NR6A1: variants seen among roughly 807,000 people sequenced by gnomAD.
The protein encoded by NR6A1 is nuclear receptor subfamily 6 group A member 1, also known as retinoic acid receptor-related testis-associated receptor.
Under a neutral mutation model 59.1 loss-of-function variants are expected in NR6A1, and 7 were observed. The observed-to-expected ratio is 0.12, with a 90% confidence interval of 0.07 to 0.22. The LOEUF is 0.22. Among genes scored for constraint, NR6A1 ranks in the 10% least tolerant of loss-of-function variants. The pLI, the probability that NR6A1 is intolerant of heterozygous loss-of-function variation, is 1.00. For missense variants in NR6A1, 468 were observed against 611.6 expected (o/e 0.77, Z 2.48); for synonymous variants, 243 against 236.1 (o/e 1.03, Z -0.27).
intron 2 of NR6A1, among the ~76,000 whole-genome samples, chr9:124,610,003 T>G (rs1835693286): frequency 6.6e-6 from 1 of 152,188 alleles, no homozygotes; most frequent in Non-Finnish European, 1.5e-5. Flanking sequence ...TAAGAAGCTT[T>G]TGGGCAGAAA....
intron 2 of NR6A1, among the ~76,000 whole-genome samples, chr9:124,608,614 G>T (rs1835643342): frequency 6.6e-6 from 1 of 152,170 alleles, no homozygotes; most frequent in South Asian, 2.1e-4. Context: ...ATGTGTGCAT[G>T]TAACTTTATA....
chr9:124,739,749 T>C (rs141440117), intron 1 of NR6A1, among the ~76,000 whole-genome samples: 1 of 152,236 alleles, frequency 6.6e-6, no homozygotes, highest in Admixed American at 6.5e-5. Flanking sequence ...AAATTTACCA[T>C]GACAGAAACT....
At chr9:124,706,423 A>C (rs1839134267) in intron 2 of NR6A1, among the ~76,000 whole-genome samples, 1 of 152,198 alleles carries the variant, frequency 6.6e-6, no homozygotes, top group Non-Finnish European at 1.5e-5. Flanking sequence ...TAGTATTTTA[A>C]AGCAGGTCCA....
At chr9:124,700,548 G>A (rs1838909585) in intron 2 of NR6A1, among the ~76,000 whole-genome samples, 1 of 151,652 alleles carries the variant, frequency 6.6e-6, no homozygotes, top group African/African-American at 2.4e-5. Flanking sequence ...TTTATTATGA[G>A]TTTTAGGTTT....
rs570402152 is a variant in NR6A1 at position 124,728,495 on chromosome 9, C to T, written c.142+4813G>A. Among the ~76,000 whole-genome samples, 476 of 151,936 alleles carry T rather than the reference C, an allele frequency of 3.1e-3. 3 individuals carry two copies. The highest frequency in any genetic ancestry group is 0.02 in the Admixed American group (300 of 15,262). ...CTAAAAAACAGAAAAATTAGCTGGG[C>T]GCAGTGGCAGGCGCCTGTAATCCCA... On this transcript the variant is annotated intron_variant, in intron 2 of 9. Coordinates refer to ENST00000487099, the MANE Select transcript of NR6A1 (RefSeq NM_033334.4).
intron 1 of NR6A1, among the ~76,000 whole-genome samples, chr9:124,768,655 A>G (rs1841010340): frequency 6.6e-6 from 1 of 152,244 alleles, no homozygotes; most frequent in African/African-American, 2.4e-5. Flanking sequence ...GGATTGCTCG[A>G]TAACATTCTT....
chr9:124,760,110 G>C (rs140543965), intron 1 of NR6A1, among the ~76,000 whole-genome samples: 1 of 150,366 alleles, frequency 6.7e-6, no homozygotes, highest in Non-Finnish European at 1.5e-5. Context: ...TCACAAGTTC[G>C]AGACCAGCCT....
At chr9:124,770,916 T>C (rs1841134120) in intron 1 of NR6A1, 104 bp downstream of exon 1, 2 of 643,050 alleles carry the variant, frequency 3.1e-6, no homozygotes, top group Admixed American at 4.4e-5. Context: ...GCGGGGCCGC[T>C]GCGGCTTCCC....
intron 2 of NR6A1, among the ~76,000 whole-genome samples, chr9:124,686,867 C>CT (rs1838348057): frequency 6.6e-6 from 1 of 151,798 alleles, no homozygotes; most frequent in Non-Finnish European, 1.5e-5. Context: ...CCACGCTCAG[C>CT]TAATTTTTTA....
intron 2 of NR6A1, among the ~76,000 whole-genome samples, chr9:124,647,454 G>A (rs746447210): frequency 3.0e-4 from 46 of 152,196 alleles, no homozygotes; most frequent in African/African-American, 1.1e-3. Context: ...GGGGCCGGCC[G>A]CAGTGGTTCA....
At position 124,643,760 on chromosome 9, in the gene NR6A1, CA is replaced by C. The variant is rs1185801928; in HGVS notation, c.143-89191del. Among the ~76,000 whole-genome samples the C allele has an allele frequency of 5.5e-3, 700 of 127,312 alleles. 5 individuals carry two copies. Among genetic ancestry groups the C allele is most frequent in the African/African-American group, 0.016 (568 of 36,562 alleles). The allele number at this position is 127,312 out of a possible 152,430, so 83.5% of individuals were successfully genotyped here. Reference sequence around the variant, plus strand: ...AGAGTGAGATCCCATCTCAAAAAAACAAAAAAAAAAAAAAAGAGAGAGAGAG... The same window carrying C: ...AGAGTGAGATCCCATCTCAAAAAAACAAAAAAAAAAAAAAGAGAGAGAGAG... On this transcript the variant is annotated intron_variant, in intron 2 of 9. Coordinates refer to ENST00000487099, the MANE Select transcript of NR6A1 (RefSeq NM_033334.4).
At chr9:124,731,236 T>A (rs565849767) in intron 2 of NR6A1, among the ~76,000 whole-genome samples, 1 of 152,090 alleles carries the variant, frequency 6.6e-6, no homozygotes, top group African/African-American at 2.4e-5. Context: ...CAGCCATGGT[T>A]GCGCACGCCT....
intron 1 of NR6A1, among the ~76,000 whole-genome samples, chr9:124,738,201 C>T (rs545557120): frequency 8.9e-4 from 135 of 152,210 alleles, no homozygotes; most frequent in Middle Eastern, 3.4e-3. Flanking sequence ...TTGCAGTGAG[C>T]GGAGATCGCG....
At chr9:124,600,690 A>G (rs117204395) in intron 2 of NR6A1, among the ~76,000 whole-genome samples, 1,773 of 152,298 alleles carry the variant, frequency 0.012, 15 homozygotes, top group Non-Finnish European at 0.018. Context: ...AAACAGATAA[A>G]TGACAGTATG....
chr9:124,564,507 A>T (rs1834175595), intron 2 of NR6A1, among the ~76,000 whole-genome samples: 1 of 152,236 alleles, frequency 6.6e-6, no homozygotes. Flanking sequence ...TCTAATAAAG[A>T]GATACAAGAT....
intron 2 of NR6A1, among the ~76,000 whole-genome samples, chr9:124,659,195 T>C (rs1202964952): frequency 2.7e-5 from 4 of 147,034 alleles, no homozygotes; most frequent in Non-Finnish European, 5.9e-5. Context: ...AAGCCAGACA[T>C]GGACAAAGGC....
At position 124,646,941 on chromosome 9, in the gene NR6A1, A is replaced by G. The variant is rs553108808; in HGVS notation, c.142+86367T>C. Among the ~76,000 whole-genome samples the G allele has an allele frequency of 4.6e-5, 7 of 152,304 alleles. No homozygotes were observed. The South Asian group carries it at 1.5e-3, about 32-fold the overall frequency. ...GTTTTTAAATTTTTTAACAGATAGA[A>G]TCTCACTCTGTTGCCCAGGCTGAAG... On this transcript the variant is annotated intron_variant, in intron 2 of 9. Transcript: ENST00000487099.
intron 2 of NR6A1, among the ~76,000 whole-genome samples, chr9:124,634,778 C>T (rs909182495): frequency 7.9e-5 from 12 of 152,106 alleles, no homozygotes; most frequent in Admixed American, 2.6e-4. Context: ...GCCGAGATCG[C>T]GCCACTGCAC....
At chr9:124,751,367 T>C (rs1324551708) in intron 1 of NR6A1, among the ~76,000 whole-genome samples, 1 of 152,204 alleles carries the variant, frequency 6.6e-6, no homozygotes, top group Non-Finnish European at 1.5e-5. Context: ...TAAGTTTTTG[T>C]GTGTGTGATT....
Sources: gnomAD v4.1 joint callset for allele counts (sites outside exome capture counted in the v4.1 genomes callset) on GRCh38, gnomAD v4.1.1 for gene constraint, MANE v1.5 for transcripts, NCBI Gene and HGNC (gene_info 2026-07-23, HGNC 2026-07-21) for gene names.